Variants in ESAM observed in about 807,000 individuals in gnomAD.
ESAM encodes endothelial cell-selective adhesion molecule.
A neutral mutation model predicts 31.8 loss-of-function variants in ESAM; 23 were observed. That is an observed-to-expected ratio of 0.72 (90% CI 0.52 to 1.03). The LOEUF (loss-of-function observed/expected upper bound fraction) is 1.03, where lower values mean the gene tolerates loss of function less well. Ranked by LOEUF, ESAM falls within the 50% of genes least tolerant of loss-of-function variation. The probability of loss-of-function intolerance (pLI) is 0.00; values close to 1 mark genes in which losing one functional copy is unlikely to be tolerated. For synonymous variants in ESAM, 216 were observed against 207.2 expected, an observed-to-expected ratio of 1.04 and a Z score of -0.37; for missense variants, 478 against 488.9, an observed-to-expected ratio of 0.98 and a Z score of 0.21.
chr11:124,756,821 C>T (rs1480817403), intron 2 of ESAM, 79 bp from the exon 3 acceptor site: 1 of 1,466,344 alleles, frequency 6.8e-7, no homozygotes, highest in Admixed American at 1.9e-5. Context: ...CTCCCTCCCC[C>T]AGCTCGCATT....
At position 124,753,332 on chromosome 11, in the gene ESAM, G is replaced by A; in HGVS notation, c.*314C>T. On this transcript the variant is annotated 3_prime_UTR_variant, in exon 7 of 7. Transcript: ENST00000278927. ...TAGGGGTGGGGTACAGATCAAGGGGGCCTGGGAGACTCAGTGACTGGAAGT... is the reference window on the plus strand; with the variant it reads ...TAGGGGTGGGGTACAGATCAAGGGGACCTGGGAGACTCAGTGACTGGAAGT... 2.6e-6 allele frequency: 1 copy of A among 385,248 alleles called. No homozygotes were observed. Among genetic ancestry groups the A allele is most frequent in the Non-Finnish European group, 4.7e-6 (1 of 210,786 alleles). The allele number at this position is 385,248 out of a possible 1,614,324, so 23.9% of individuals were successfully genotyped here. A position where few individuals can be genotyped will look rare whatever the true frequency, so the allele number is the denominator to read the frequency against.
chr11:124,757,693 C>CT (rs5795429), intron 2 of ESAM, among the ~76,000 whole-genome samples: 13,566 of 124,936 alleles, frequency 0.11, 1,076 homozygotes, highest in African/African-American at 0.19. Context: ...AATATGCTAA[C>CT]TTTTTTTTTT....
At chr11:124,756,512 A>G in intron 3 of ESAM, 29 bp downstream of exon 3, 2 of 1,610,908 alleles carry the variant, frequency 1.2e-6, no homozygotes, top group Non-Finnish European at 1.7e-6. Context: ...GCAGGTGGGG[A>G]GGGGTCCGGA....
intron 3 of ESAM, 61 bp downstream of exon 3, chr11:124,756,480 G>A: frequency 6.3e-7 from 1 of 1,598,906 alleles, no homozygotes; most frequent in Non-Finnish European, 8.5e-7. Flanking sequence ...ATTTAGGAGA[G>A]AGACTCACCA....
chr11:124,756,368 CA>C lies in ESAM; in HGVS notation c.452-7del. On this transcript the variant is annotated splice_polypyrimidine_tract_variant and splice_region_variant and intron_variant, in intron 3 of 6. Coordinates refer to ENST00000278927, the MANE Select transcript of ESAM (RefSeq NM_138961.3). ...GGATGGAGGAGCTGGAGGAACTGGGCAGGGGGAGACAGATTAAAACCACACC... is the reference window on the plus strand; with the variant it reads ...GGATGGAGGAGCTGGAGGAACTGGGCGGGGGAGACAGATTAAAACCACACC... 1 of 1,592,736 alleles carries C rather than the reference CA, an allele frequency of 6.3e-7. No homozygotes were observed. The highest frequency in any genetic ancestry group is 1.3e-5 in the African/African-American group (1 of 74,722).
intron 1 of ESAM, among the ~76,000 whole-genome samples, chr11:124,760,163 C>T (rs1285997051): frequency 6.6e-6 from 1 of 152,242 alleles, no homozygotes; most frequent in Non-Finnish European, 1.5e-5. Context: ...GCTCCTTGCC[C>T]TTCGCCCTGT....
At chr11:124,760,358 C>A (rs1041198633) in intron 1 of ESAM, among the ~76,000 whole-genome samples, 1 of 152,240 alleles carries the variant, frequency 6.6e-6, no homozygotes, top group African/African-American at 2.4e-5. Context: ...AGGGACCCTT[C>A]CGGCCCACAG....
rs768101946 is a variant in ESAM, at chr11:124,756,376, G to C, written c.452-14C>G. The C allele has an allele frequency of 1.6e-5, 25 of 1,591,252 alleles. No individual in the cohort carries two copies. Among genetic ancestry groups the C allele is most frequent in the Non-Finnish European group, 2.1e-5 (24 of 1,168,264 alleles). Reference sequence around the variant, plus strand: ...GAGCTGGAGGAACTGGGCAGGGGGAGACAGATTAAAACCACACCCAGGAGA... The same window carrying C: ...GAGCTGGAGGAACTGGGCAGGGGGACACAGATTAAAACCACACCCAGGAGA... On this transcript the variant is annotated splice_polypyrimidine_tract_variant and intron_variant, in intron 3 of 6. Coordinates refer to ENST00000278927, the MANE Select transcript of ESAM (RefSeq NM_138961.3).
intron 2 of ESAM, chr11:124,757,158 G>T: frequency 5.0e-6 from 1 of 200,326 alleles, no homozygotes; most frequent in Non-Finnish European, 1.0e-5. Context: ...AAATGAGGCT[G>T]GGCACGTTGC....
intron 1 of ESAM, among the ~76,000 whole-genome samples, 153 bp from the exon 2 acceptor site, chr11:124,758,680 G>A (rs999647209): frequency 6.6e-6 from 1 of 152,200 alleles, no homozygotes; most frequent in African/African-American, 2.4e-5. Flanking sequence ...CTCAAGGGGT[G>A]CCCAGGGACC....
In ESAM at chr11:124,756,644, G is replaced by A. The variant is rs758628257; in HGVS notation, c.348C>T (p.Leu116=). The part of the protein sequence containing the change: ...SRNLSLRLEG[L]QEKDSGPYSC... ...TGTAGGGGCCAGAGTCTTTCTCCTG[G>A]AGACCCTCCAGCCGCAGGGACAGGT... is the stretch of plus-strand genomic sequence containing the variant. Residue 116 remains leucine, a synonymous_variant, in exon 3 of 7, where the codon CTC becomes CTT. Coordinates refer to ENST00000278927, the MANE Select transcript of ESAM (RefSeq NM_138961.3). 6.2e-7 allele frequency: 1 copy of A among 1,614,122 alleles called. No homozygotes were observed. Among genetic ancestry groups the A allele is most frequent in the Non-Finnish European group, 8.5e-7 (1 of 1,180,022 alleles).
rs771512227 is a variant in ESAM at position 124,762,195 on chromosome 11, G to T, written c.-41C>A. The T allele has an allele frequency of 2.2e-5, 34 of 1,532,662 alleles. 1 individual carries two copies. The South Asian group carries it at 3.9e-4, about 18-fold the overall frequency. 94.9% of individuals were successfully genotyped at this position (1,532,662 alleles called of 1,614,324 possible). On this transcript the variant is annotated 5_prime_UTR_variant, in exon 1 of 7. Coordinates refer to ENST00000278927, the MANE Select transcript of ESAM (RefSeq NM_138961.3). The surrounding 1 kb of genome is among the most constrained non-coding windows in gnomAD (Gnocchi z 6.4). ...GGACGGAGTCAGGGGCGCCAGCCGC[G>T]GGACGCACGGACCTGCAGGTGCCGA... is the stretch of plus-strand genomic sequence containing the variant.
At position 124,753,526 on chromosome 11, in the gene ESAM, G is replaced by C; in HGVS notation, c.*120C>G. The C allele has an allele frequency of 9.5e-7, 1 of 1,052,488 alleles. No individual in the cohort carries two copies. The highest frequency in any genetic ancestry group is 2.4e-5 in the Admixed American group (1 of 41,274). 65.2% of individuals were successfully genotyped at this position (1,052,488 alleles called of 1,614,324 possible). A position where few individuals can be genotyped will look rare whatever the true frequency, so the allele number is the denominator to read the frequency against. On this transcript the variant is annotated 3_prime_UTR_variant, in exon 7 of 7. Coordinates refer to ENST00000278927, the MANE Select transcript of ESAM (RefSeq NM_138961.3). ...GGTTTTCCCACAGTAAAGAGAGGTG[G>C]GGGCAGAGTACTAAGGGTCAGGAGT...
chr11:124,760,396 C>T (rs1944213363), intron 1 of ESAM, among the ~76,000 whole-genome samples: 1 of 152,250 alleles, frequency 6.6e-6, no homozygotes. Flanking sequence ...GTGAGGGAGC[C>T]GGCAGGGGCC....
At chr11:124,760,651 G>A (rs995089379) in intron 1 of ESAM, among the ~76,000 whole-genome samples, 1 of 152,224 alleles carries the variant, frequency 6.6e-6, no homozygotes, top group Non-Finnish European at 1.5e-5. Flanking sequence ...CCCCCCAGGG[G>A]GACCGATTGG....
rs1944238264 is a variant in ESAM at position 124,762,139 on chromosome 11, C to T, written c.16G>A (p.Gly6Arg). ...CGCAGCAAGTTGGTCACCAGGGGCCCCGGGAGGGAAATCATGGCCCTCCCT... is the reference window on the plus strand; with the variant it reads ...CGCAGCAAGTTGGTCACCAGGGGCCTCGGGAGGGAAATCATGGCCCTCCCT... The part of the protein sequence containing the change: MISLP[G>R]PLVTNLLRFL... Residue 6 changes from glycine (G) to arginine (R), a missense_variant, in exon 1 of 7, where the codon GGG (glycine) becomes AGG (arginine). Transcript: ENST00000278927. The surrounding 1 kb of genome is among the most constrained non-coding windows in gnomAD (Gnocchi z 6.4). 1 of 1,609,808 alleles carries T rather than the reference C, an allele frequency of 6.2e-7. No homozygotes were observed. The highest frequency in any genetic ancestry group is 1.3e-5 in the African/African-American group (1 of 74,600).
chr11:124,761,956 G>A, intron 1 of ESAM, 129 bp downstream of exon 1: 1 of 824,502 alleles, frequency 1.2e-6, no homozygotes, highest in East Asian at 2.9e-5. Flanking sequence ...CCTGGAGTGG[G>A]ATTAGGAGGT....
chr11:124,754,688 T>C lies in ESAM; in HGVS notation c.683A>G (p.Asn228Ser), dbSNP rs1177056651. 1.2e-6 allele frequency: 2 copies of C among 1,614,148 alleles called. No homozygotes were observed. The highest frequency in any genetic ancestry group is 8.5e-7 in the Non-Finnish European group (1 of 1,180,014). The change falls in exon 5 of 7, where the codon AAT becomes AGT. Residue 228 changes from asparagine (N) to serine (S), a missense_variant. Transcript: ENST00000278927. The surrounding 1 kb of genome is among the most constrained non-coding windows in gnomAD (Gnocchi z 4.5). ...MAGVYVCKAH[N>S]EVGTAQCNVT... ...ATTACATTGGGCAGTGCCCACCTCA[T>C]TGTGGGCCTTGCAGACATAGACTCC...
At chr11:124,757,772 A>C (rs1944173806) in intron 2 of ESAM, among the ~76,000 whole-genome samples, 1 of 142,122 alleles carries the variant, frequency 7.0e-6, no homozygotes, top group South Asian at 2.1e-4. Context: ...ATTTTGGCTC[A>C]CTGCAACCTC....
Sources: allele counts gnomAD v4.1 joint callset (sites outside exome capture counted in the v4.1 genomes callset), GRCh38; gene constraint gnomAD v4.1.1; non-coding constraint Gnocchi (gnomAD v3.1); transcripts MANE v1.5; gene names NCBI Gene and HGNC (gene_info 2026-07-23, HGNC 2026-07-21).